INF2: variants seen among roughly 807,000 people sequenced by gnomAD.
INF2 encodes the protein inverted formin 2, also known as inverted formin-2.
A neutral mutation model predicts 123.5 loss-of-function variants in INF2; 43 were observed. The ratio of observed to expected loss-of-function variants is 0.35; its 90% confidence interval spans 0.27 to 0.45. INF2 has a LOEUF of 0.45. Among genes scored for constraint, INF2 ranks in the 20% least tolerant of loss-of-function variants. The pLI is 1.00. For missense variants in INF2, 1,453 were observed against 1,682.7 expected (o/e 0.86, Z 2.39); for synonymous variants, 851 against 745.0 (o/e 1.14, Z -2.32).
intron 1 of INF2, among the ~76,000 whole-genome samples, chr14:104,683,623 C>CCCAG (rs1242741694): frequency 5.8e-5 from 8 of 139,038 alleles, no homozygotes; most frequent in African/African-American, 2.1e-4. Flanking sequence ...ACCACACACA[C>CCCAG]ACAGACACAC....
chr14:104,706,988 A>C lies in INF2; in HGVS notation c.922A>C (p.Ser308Arg). 1.3e-6 allele frequency: 2 copies of C among 1,599,148 alleles called. No homozygotes were observed. The highest frequency in any genetic ancestry group is 1.7e-6 in the Non-Finnish European group (2 of 1,178,706). ...GCACCTGGAGCCCACCCTCCGCTCC[A>C]GCCAGCTGCTCTGGGAGGCCCTGGA... The part of the protein sequence containing the change: ...LLHLEPTLRS[S>R]QLLWEALESL... The change falls in exon 7 of 23, where the codon AGC (serine) becomes CGC (arginine). Residue 308 changes from serine to arginine, a missense_variant. Physicochemically the swap from Ser to Arg is moderately radical, Grantham distance 110. Coordinates refer to ENST00000392634, the MANE Select transcript of INF2 (RefSeq NM_022489.4).
At chr14:104,706,669 G>A (rs1206946723) in intron 6 of INF2, among the ~76,000 whole-genome samples, 2 of 152,154 alleles carry the variant, frequency 1.3e-5, no homozygotes, top group South Asian at 2.1e-4. Flanking sequence ...TGGCTGCCAC[G>A]GCTGGGCAGG....
In INF2 at chr14:104,701,536, G is replaced by A. The variant is rs754214598; in HGVS notation, c.171G>A (p.Leu57=). Residue 57 remains leucine, a synonymous_variant, in exon 2 of 23, where the codon CTG becomes CTA. Transcript: ENST00000392634. ...VVNYSGLRKR[L]EGSDGGWMVQ... ...ACTACTCCGGCCTGCGCAAGCGCCT[G>A]GAGGGCAGCGACGGCGGCTGGATGG... is the stretch of plus-strand genomic sequence containing the variant. 3.1e-6 allele frequency: 5 copies of A among 1,608,712 alleles called. No individual in the cohort carries two copies. The highest frequency in any genetic ancestry group is 1.7e-5 in the Admixed American group (1 of 59,610).
Position 104,701,388 on chromosome 14 carries a change from A to G in INF2, c.23A>G (p.Gln8Arg), listed in dbSNP as rs1889485256. The G allele has an allele frequency of 1.9e-6, 3 of 1,589,446 alleles. No homozygotes were observed. Among genetic ancestry groups the G allele is most frequent in the Admixed American group, 1.7e-5 (1 of 57,844 alleles). Residue 8 changes from glutamine to arginine, a missense_variant, in exon 2 of 23, where the codon CAG (glutamine) becomes CGG (arginine). Physicochemically the swap from Gln to Arg is conservative, Grantham distance 43 (BLOSUM62 1). This residue lies in a region of INF2 where 43 missense variants were observed against 44.7 expected (regional missense o/e 0.96). Transcript: ENST00000392634. ...AAGATGTCGGTGAAGGAGGGCGCAC[A>G]GCGCAAGTGGGCAGCGCTGAAGGAG... MSVKEGA[Q>R]RKWAALKEKL...
At position 104,708,526 on chromosome 14, in the gene INF2, C is replaced by T; in HGVS notation, c.1826C>T (p.Pro609Leu). ...FSSIERLFSF[P>L]AAKPKEPTMV... Reference sequence around the variant, plus strand: ...AGCATCGAGCGACTATTCTCCTTCCCTGCAGCCAAGCCCAAGGAGCCCACC... The same window carrying T: ...AGCATCGAGCGACTATTCTCCTTCCTTGCAGCCAAGCCCAAGGAGCCCACC... Residue 609 changes from proline (P) to leucine (L), a missense_variant, in exon 9 of 23, where the codon CCT becomes CTT. By Grantham distance (98) the Pro-to-Leu change is moderately conservative. Coordinates refer to ENST00000392634, the MANE Select transcript of INF2 (RefSeq NM_022489.4). 1 of 1,612,486 alleles carries T rather than the reference C, an allele frequency of 6.2e-7. No individual in the cohort carries two copies. Among genetic ancestry groups the T allele is most frequent in the African/African-American group, 1.3e-5 (1 of 75,022 alleles).
intron 6 of INF2, 78 bp from the exon 7 acceptor site, chr14:104,706,832 C>G: frequency 6.5e-7 from 1 of 1,537,360 alleles, no homozygotes; most frequent in South Asian, 1.2e-5. Context: ...GGCTGGACAC[C>G]CTGGCAGACA....
rs1595188843 is a variant in INF2 at position 104,722,065 on chromosome 14, G to T, written c.*3272G>T. 5 of 152,416 alleles carry T rather than the reference G, an allele frequency of 3.3e-5. No homozygotes were observed. The highest frequency in any genetic ancestry group is 3.3e-4 in the Admixed American group (5 of 15,290). The allele number at this position is 152,416 out of a possible 1,614,324, so 9.4% of individuals were successfully genotyped here. The stretch of plus-strand genomic sequence containing the variant: ...CACATCGAGACAGCAGGGCCCAGAT[G>T]GATGGCCCCAAGCTCGGTGGCTCCC... On this transcript the variant is annotated 3_prime_UTR_variant, in exon 23 of 23. Transcript: ENST00000392634.
rs1890541444 is a variant in INF2 at position 104,721,122 on chromosome 14, CG to C, written c.*2330del. On this transcript the variant is annotated 3_prime_UTR_variant, in exon 23 of 23. Coordinates refer to ENST00000392634, the MANE Select transcript of INF2 (RefSeq NM_022489.4). ...AGTCTCGTGTGGATGCTGCTGTGGA[CG>C]TCTGCGTCGTCCTCGATGCTGCTGT... is the stretch of plus-strand genomic sequence containing the variant. 7.9e-6 allele frequency: 1 copy of C among 127,004 alleles called. No individual in the cohort carries two copies. The highest frequency in any genetic ancestry group is 3.2e-5 in the African/African-American group (1 of 31,024). 7.9% of individuals were successfully genotyped at this position (127,004 alleles called of 1,614,324 possible). A position where few individuals can be genotyped will look rare whatever the true frequency, so the allele number is the denominator to read the frequency against.
chr14:104,701,817 G>A, intron 2 of INF2, 61 bp downstream of exon 2: 10 of 1,429,280 alleles, frequency 7.0e-6, no homozygotes, highest in African/African-American at 1.4e-5. Flanking sequence ...TGAGGCTTCA[G>A]GCCCAAAAGG....
upstream of INF2, chr14:104,689,587 T>TCCAGCCCCCCCC: frequency 2.3e-6 from 2 of 851,068 alleles, no homozygotes; most frequent in Non-Finnish European, 2.8e-6. Flanking sequence ...CACCTCCTCT[T>TCCAGCCCCCCCC]CCTCCCGCCC....
intron 21 of INF2, 54 bp from the exon 22 acceptor site, chr14:104,715,229 CA>C: frequency 1.3e-6 from 2 of 1,566,094 alleles, no homozygotes; most frequent in Non-Finnish European, 1.8e-6. Flanking sequence ...CACTCCGAGT[CA>C]GGGTTGCTTC....
At chr14:104,695,016 T>C (rs1346892744) in intron 1 of INF2, among the ~76,000 whole-genome samples, 1 of 152,140 alleles carries the variant, frequency 6.6e-6, no homozygotes, top group Non-Finnish European at 1.5e-5. Context: ...AGGAGGGACC[T>C]GGGGCCTCGG....
rs1212072503 is a variant in INF2 at position 104,707,890 on chromosome 14, G to T, written c.1623G>T (p.Gln541His). The change falls in exon 8 of 23, where the codon CAG (glutamine) becomes CAT (histidine). Residue 541 changes from glutamine (Q) to histidine (H), a missense_variant. Gln to His is a conservative substitution (Grantham distance 24, BLOSUM62 0). This residue lies in a region of INF2 where 374 missense variants were observed against 303.7 expected (regional missense o/e 1.23). Coordinates refer to ENST00000392634, the MANE Select transcript of INF2 (RefSeq NM_022489.4). ...AGGMEEVIVA[Q>H]VDHGLGSAWV... ...GCATGGAGGAGGTCATCGTGGCCCA[G>T]GTGGACCATGGCTTGGGCTCAGCAT... 1 of 1,605,546 alleles carries T rather than the reference G, an allele frequency of 6.2e-7. No individual in the cohort carries two copies. Among genetic ancestry groups the T allele is most frequent in the South Asian group, 1.1e-5 (1 of 91,062 alleles).
intron 10 of INF2, 78 bp downstream of exon 10, chr14:104,708,810 T>A: frequency 7.0e-7 from 1 of 1,436,070 alleles, no homozygotes; most frequent in Non-Finnish European, 9.8e-7. Context: ...GGCCCAGCAG[T>A]GCCCTCTGCA....
At position 104,708,676 on chromosome 14, in the gene INF2, T is replaced by A. The variant is rs201334481; in HGVS notation, c.1893T>A (p.Thr631=). The change falls in exon 10 of 23, where the codon ACT becomes ACA. Residue 631 remains threonine, a synonymous_variant. Transcript: ENST00000392634. The part of the protein sequence containing the change: ...PRARKEPKEI[T]FLDAKKSLNL... Reference sequence around the variant, plus strand: ...TTGGGTGGGGGGTTTTCTAGATCACTTTCCTCGATGCCAAGAAGAGCCTGA... The same window carrying A: ...TTGGGTGGGGGGTTTTCTAGATCACATTCCTCGATGCCAAGAAGAGCCTGA... 6.2e-7 allele frequency: 1 copy of A among 1,612,968 alleles called. No homozygotes were observed. The highest frequency in any genetic ancestry group is 1.3e-5 in the African/African-American group (1 of 75,022).
At chr14:104,717,300 C>CT (rs1041835491) in intron 22 of INF2, among the ~76,000 whole-genome samples, 2 of 141,806 alleles carry the variant, frequency 1.4e-5, no homozygotes, top group African/African-American at 2.8e-5. Context: ...CCCAGTCCCC[C>CT]CCCCGGGCAG....
chr14:104,708,009 G>T lies in INF2; in HGVS notation c.1735+7G>T. ...CCATCCAACGTGGCACGTGGTGAGG[G>T]TCCCCAGACCCCCAAGGGAAGCTTC... On this transcript the variant is annotated splice_region_variant and intron_variant, in intron 8 of 22. Coordinates refer to ENST00000392634, the MANE Select transcript of INF2 (RefSeq NM_022489.4). 1 of 1,598,150 alleles carries T rather than the reference G, an allele frequency of 6.3e-7. No homozygotes were observed. Among genetic ancestry groups the T allele is most frequent in the East Asian group, 2.2e-5 (1 of 44,856 alleles).
rs377340315 is a variant in INF2 at position 104,711,699 on chromosome 14, G to C, written c.2489G>C (p.Gly830Ala). 4.3e-6 allele frequency: 7 copies of C among 1,612,044 alleles called. No homozygotes were observed. Among genetic ancestry groups the C allele is most frequent in the Admixed American group, 1.7e-5 (1 of 59,984 alleles). ...RDLEQPSQAA[G>A]INLEIIRSEA... ...CTGGAACAGCCCTCGCAAGCAGCAG[G>C]GTAGGTAGCTCCTGCCAGCCCGCCC... is the stretch of plus-strand genomic sequence containing the variant. The change falls in exon 16 of 23, where the codon GGG (glycine) becomes GCG (alanine). Residue 830 changes from glycine (G) to alanine (A), a missense_variant and splice_region_variant. Coordinates refer to ENST00000392634, the MANE Select transcript of INF2 (RefSeq NM_022489.4).
chr14:104,699,952 C>T lies in INF2; in HGVS notation c.-9-1405C>T, dbSNP rs1006172388. ...GTTGGACAGGTGGAGGGCTGAGGGG[C>T]GGTGCGGGGAGTAGGGGCTGGACTG... On this transcript the variant is annotated intron_variant, in intron 1 of 22. Coordinates refer to ENST00000392634, the MANE Select transcript of INF2 (RefSeq NM_022489.4). This position sits in a 1 kb window ranked among gnomAD's most constrained non-coding sequence, Gnocchi z 4.7. Among the ~76,000 whole-genome samples, 1 of 152,056 alleles carries T rather than the reference C, an allele frequency of 6.6e-6. No homozygotes were observed. The highest frequency in any genetic ancestry group is 1.5e-5 in the Non-Finnish European group (1 of 67,976).
Sources: allele counts gnomAD v4.1 joint callset (sites outside exome capture counted in the v4.1 genomes callset), GRCh38; gene constraint gnomAD v4.1.1; regional missense constraint gnomAD v4.1.1; non-coding constraint Gnocchi (gnomAD v3.1); transcripts MANE v1.5; gene names NCBI Gene and HGNC (gene_info 2026-07-23, HGNC 2026-07-21).